The following KDM6A variants were observed in gnomAD, a reference collection of about 807,000 sequenced individuals.
KDM6A encodes lysine demethylase 6A, also known as lysine-specific demethylase 6A.
KDM6A carries 11 observed loss-of-function variants against 117.6 expected under a neutral mutation model. That is an observed-to-expected ratio of 0.09 (90% confidence interval 0.06 to 0.15). The LOEUF (loss-of-function observed/expected upper bound fraction) is 0.15. Among genes scored for constraint, KDM6A ranks in the 10% least tolerant of loss-of-function variants. KDM6A has a pLI of 1.00. For missense variants in KDM6A, 799 were observed against 1,077.3 expected (o/e 0.74, Z 3.62); for synonymous variants, 384 against 396.1 (o/e 0.97, Z 0.36).
At chrX:45,086,082 T>A (rs770977902) in intron 25 of KDM6A, 103 bp downstream of exon 25, 1 of 514,184 alleles carries the variant, frequency 1.9e-6, no homozygotes, top group Non-Finnish European at 3.5e-6. Context: ...TTGCCAGTAT[T>A]CACTTACCAT....
intron 20 of KDM6A, 139 bp from the exon 21 acceptor site, chrX:45,079,007 G>T: frequency 1.9e-6 from 1 of 515,309 alleles, no homozygotes; most frequent in Non-Finnish European, 3.2e-6. Context: ...CTCAGGTTGT[G>T]CAGAGGCCCT....
chrX:45,040,671 G>C (rs2043092546), intron 8 of KDM6A, among the ~76,000 whole-genome samples: 1 of 81,342 alleles, frequency 1.2e-5, no homozygotes, highest in African/African-American at 4.9e-5. Context: ...CCGGGCGGGG[G>C]GCTGACCCCC....
intron 2 of KDM6A, among the ~76,000 whole-genome samples, chrX:44,879,953 A>G (rs888545290): frequency 9.0e-6 from 1 of 110,966 alleles, no homozygotes; most frequent in African/African-American, 3.3e-5. Flanking sequence ...TGGGCGGATC[A>G]CTTGAGGTCA....
intron 2 of KDM6A, among the ~76,000 whole-genome samples, chrX:44,908,917 G>A (rs994717419): frequency 8.9e-6 from 1 of 112,368 alleles, no homozygotes; most frequent in Non-Finnish European, 1.9e-5. Flanking sequence ...AGTCCTTTGC[G>A]TGATGATTTT....
intron 20 of KDM6A, 80 bp downstream of exon 20, chrX:45,078,585 T>C (rs915897673): frequency 2.6e-6 from 2 of 754,934 alleles, no homozygotes; most frequent in Non-Finnish European, 3.8e-6. Context: ...GGCAGATACT[T>C]TTCTTTTTTT....
At chrX:44,964,707 C>T (rs1027709878) in intron 3 of KDM6A, among the ~76,000 whole-genome samples, 6 of 111,613 alleles carry the variant, frequency 5.4e-5, no homozygotes, top group Non-Finnish European at 1.1e-4. Context: ...GTCATTCAGA[C>T]TTTGTTGTTC....
chrX:45,107,970 G>T (rs756347327), intron 28 of KDM6A, among the ~76,000 whole-genome samples: 2 of 111,772 alleles, frequency 1.8e-5, no homozygotes, highest in East Asian at 5.6e-4. Flanking sequence ...CAAAGATGTG[G>T]TGCCTCCTAT....
chrX:44,990,860 A>G (rs763456180), intron 4 of KDM6A, among the ~76,000 whole-genome samples: 2 of 111,898 alleles, frequency 1.8e-5, no homozygotes, highest in Non-Finnish European at 3.8e-5. Context: ...AATTAGTGAC[A>G]ATTTTGTTTC....
At position 44,990,801 on chromosome X, in the gene KDM6A, A is replaced by T. The variant is rs377700563; in HGVS notation, c.384+16086A>T. 6.3e-5 allele frequency among the ~76,000 whole-genome samples: 7 copies of T among 111,898 alleles called. No individual in the cohort carries two copies. The East Asian group carries it at 1.4e-3, about 22-fold the overall frequency. On this transcript the variant is annotated intron_variant, in intron 4 of 29. Coordinates refer to ENST00000611820, the MANE Select transcript of KDM6A (RefSeq NM_001291415.2). Reference sequence around the variant, plus strand: ...TCACTAACTTTCACTAATTTGGGTTATTTGACTATGTAACTTTGGATTTTC... The same window carrying T: ...TCACTAACTTTCACTAATTTGGGTTTTTTGACTATGTAACTTTGGATTTTC...
At chrX:44,983,301 T>C (rs1006679150) in intron 4 of KDM6A, among the ~76,000 whole-genome samples, 1 of 111,862 alleles carries the variant, frequency 8.9e-6, no homozygotes, top group Non-Finnish European at 1.9e-5. Context: ...TTTCTGACTT[T>C]CCGGTGGCTT....
chrX:44,910,077 T>A (rs945363805), intron 2 of KDM6A, among the ~76,000 whole-genome samples: 16 of 112,283 alleles, frequency 1.4e-4, no homozygotes, highest in African/African-American at 5.2e-4. Flanking sequence ...CTTCAGGAGG[T>A]CATATTTGTG....
chrX:45,024,344 G>GT (rs1219059183), intron 6 of KDM6A, among the ~76,000 whole-genome samples: 3 of 111,879 alleles, frequency 2.7e-5, no homozygotes, highest in Non-Finnish European at 5.6e-5. Flanking sequence ...CAGGAGTAAG[G>GT]TGGTATCGCA....
intron 26 of KDM6A, among the ~76,000 whole-genome samples, chrX:45,090,515 G>C (rs2045848645): frequency 1.8e-5 from 2 of 112,006 alleles, no homozygotes; most frequent in Non-Finnish European, 3.8e-5. Context: ...TAAAAACACA[G>C]TGCTTGGCAC....
chrX:44,981,055 C>G (rs1329441403), intron 4 of KDM6A, among the ~76,000 whole-genome samples: 1 of 111,457 alleles, frequency 9.0e-6, no homozygotes, highest in Non-Finnish European at 1.9e-5. Context: ...CCTATACTCT[C>G]ACAACACAGA....
At chrX:45,096,137 AAT>A (rs1262863293) in intron 27 of KDM6A, among the ~76,000 whole-genome samples, 1 of 111,854 alleles carries the variant, frequency 8.9e-6, no homozygotes, top group African/African-American at 3.2e-5. Flanking sequence ...AATGAAATGA[AAT>A]AGAGAAGATA....
Position 44,873,221 on chromosome X carries a change from T to G in KDM6A, c.-331T>G. 1 of 274,070 alleles carries G rather than the reference T, an allele frequency of 3.6e-6. No homozygotes were observed. The highest frequency in any genetic ancestry group is 6.1e-5 in the East Asian group (1 of 16,308). 22.6% of individuals were successfully genotyped at this position (274,070 alleles called of 1,213,427 possible). A position where few individuals can be genotyped will look rare whatever the true frequency, so the allele number is the denominator to read the frequency against. ...TTTGTGCTGGTGCCGGGGAAGTTTG[T>G]GTCTCCAACGAATCCCCTCAGTGCT... On this transcript the variant is annotated 5_prime_UTR_variant, in exon 1 of 30. Transcript: ENST00000611820.
At chrX:44,918,518 T>C (rs951542751) in intron 2 of KDM6A, among the ~76,000 whole-genome samples, 2 of 111,425 alleles carry the variant, frequency 1.8e-5, no homozygotes, top group African/African-American at 3.3e-5. Flanking sequence ...TATCAAAATA[T>C]GAGAAGAATA....
chrX:44,959,102 C>A (rs1457192414), intron 2 of KDM6A, among the ~76,000 whole-genome samples: 1 of 110,642 alleles, frequency 9.0e-6, no homozygotes, highest in Admixed American at 9.7e-5. Context: ...GAGTGCTTGG[C>A]AACTTTCTTC....
rs372785727 is a variant in KDM6A at position 45,090,785 on chromosome X, A to G, written c.3955A>G (p.Ile1319Val). The change falls in exon 27 of 30, where the codon ATA becomes GTA. Residue 1319 changes from isoleucine (I) to valine (V), a missense_variant. Physicochemically the swap from Ile to Val is conservative, Grantham distance 29. Around this residue, in one of 8 missense-constraint regions of KDM6A, gnomAD observed 291 missense variants for 437.9 expected, o/e 0.66. Coordinates refer to ENST00000611820, the MANE Select transcript of KDM6A (RefSeq NM_001291415.2). ...GAACAAATTGCAAAGTGTGAAGTCA[A>G]TAGTACCCATGGTTCATCTTTCCTG... ...EWNKLQSVKS[I>V]VPMVHLSWNM... The G allele has an allele frequency of 4.6e-5, 56 of 1,206,127 alleles. No individual in the cohort carries two copies. Among genetic ancestry groups the G allele is most frequent in the Admixed American group, 2.6e-4 (12 of 45,543 alleles).
Sources: allele counts gnomAD v4.1 joint callset (sites outside exome capture counted in the v4.1 genomes callset), GRCh38; gene constraint gnomAD v4.1.1; regional missense constraint gnomAD v4.1.1; transcripts MANE v1.5; gene names NCBI Gene and HGNC (gene_info 2026-07-23, HGNC 2026-07-21).